The following DAB1 variants were observed in gnomAD, a reference collection of about 807,000 sequenced individuals.
DAB1 encodes DAB adaptor protein 1, also known as disabled homolog 1.
Under a neutral mutation model 64.6 loss-of-function variants are expected in DAB1, and 15 were observed. That is an observed-to-expected ratio of 0.23 (90% CI 0.16 to 0.36). DAB1 has a LOEUF of 0.36. Ranked by LOEUF, DAB1 falls within the 10% of genes least tolerant of loss-of-function variation. The pLI, the probability that DAB1 is intolerant of heterozygous loss-of-function variation, is 1.00. For missense variants in DAB1, 596 were observed against 706.7 expected (o/e 0.84, Z 1.78); for synonymous variants, 235 against 251.9 (o/e 0.93, Z 0.64).
intron 3 of DAB1, among the ~76,000 whole-genome samples, chr1:58,455,907 C>T (rs1569822737): frequency 6.6e-6 from 1 of 152,326 alleles, no homozygotes; most frequent in Middle Eastern, 3.4e-3. Flanking sequence ...AGGGATAGCT[C>T]TTCATCAGTC....
At chr1:58,132,376 T>G (rs1373273465) in intron 5 of DAB1, among the ~76,000 whole-genome samples, 1 of 152,188 alleles carries the variant, frequency 6.6e-6, no homozygotes, top group Non-Finnish European at 1.5e-5. Context: ...CCTAGTGAGA[T>G]GAACCCGGTA....
chr1:57,653,381 A>C (rs1476577385), intron 6 of DAB1, among the ~76,000 whole-genome samples: 7 of 152,096 alleles, frequency 4.6e-5, no homozygotes, highest in African/African-American at 9.7e-5. Flanking sequence ...CTAATATTAT[A>C]TTTTCAAGAT....
chr1:58,535,412 C>T (rs758501419), intron 1 of DAB1, among the ~76,000 whole-genome samples: 6 of 151,832 alleles, frequency 4.0e-5, no homozygotes, highest in Non-Finnish European at 2.9e-5. Flanking sequence ...CTGGCCAACA[C>T]GGATGAAACC....
At chr1:57,959,740 C>G (rs903993415) in intron 5 of DAB1, among the ~76,000 whole-genome samples, 2 of 152,308 alleles carry the variant, frequency 1.3e-5, no homozygotes, top group Admixed American at 6.5e-5. Context: ...TTGCTGAATA[C>G]TTAAAATCTT....
rs748236191 is a variant in DAB1, at chr1:57,216,098, G to C, written c.68-70669C>G. ...TACACATTAATACTGTGGTTTGCAT[G>C]GGTGTGTTGGGACCACTTAAGTTGC... On this transcript the variant is annotated intron_variant, in intron 2 of 14. Transcript: ENST00000371236. Among the ~76,000 whole-genome samples, 10 of 152,096 alleles carry C rather than the reference G, an allele frequency of 6.6e-5. No homozygotes were observed. The East Asian group carries it at 7.7e-4, about 12-fold the overall frequency.
At chr1:57,266,693 A>G (rs1419501985) in intron 2 of DAB1, among the ~76,000 whole-genome samples, 2 of 152,238 alleles carry the variant, frequency 1.3e-5, no homozygotes, top group South Asian at 2.1e-4. Context: ...AATGGCAGAC[A>G]GGTACTTAAT....
intron 6 of DAB1, among the ~76,000 whole-genome samples, chr1:57,717,011 T>C (rs940615150): frequency 6.6e-6 from 1 of 151,808 alleles, no homozygotes; most frequent in African/African-American, 2.4e-5. Flanking sequence ...GAGGTTGAGG[T>C]GGGTGGATCA....
chr1:58,355,972 G>A (rs1007122814), intron 3 of DAB1, among the ~76,000 whole-genome samples: 2 of 152,124 alleles, frequency 1.3e-5, no homozygotes, highest in Non-Finnish European at 2.9e-5. Context: ...TCACTTAGGT[G>A]GAGGACCACT....
intron 5 of DAB1, among the ~76,000 whole-genome samples, chr1:58,006,842 G>A (rs1314429869): frequency 1.3e-5 from 2 of 152,200 alleles, no homozygotes; most frequent in Non-Finnish European, 2.9e-5. Flanking sequence ...AGGGAACAGT[G>A]AATAGTTGCT....
Position 57,646,354 on chromosome 1 carries a change from C to G in DAB1, n.625+3238G>C, listed in dbSNP as rs566520327. On this transcript the variant is annotated intron_variant and non_coding_transcript_variant, in intron 7 of 20. Transcript: ENST00000485760. ...CTCAGGACAAGTCCCTGGGCTACTA[C>G]AAGGGTGGCTAATGAGGACAGGCAG... Among the ~76,000 whole-genome samples, 7 of 152,272 alleles carry G rather than the reference C, an allele frequency of 4.6e-5. No individual in the cohort carries two copies. The South Asian group carries it at 1.5e-3, about 32-fold the overall frequency.
chr1:57,036,771 A>C (rs55955382), intron 9 of DAB1, among the ~76,000 whole-genome samples: 1 of 152,222 alleles, frequency 6.6e-6, no homozygotes, highest in Non-Finnish European at 1.5e-5. Flanking sequence ...TGTTGTTTCA[A>C]TATGGTTCTG....
chr1:58,497,811 C>T (rs985759691), intron 3 of DAB1, among the ~76,000 whole-genome samples: 1 of 152,142 alleles, frequency 6.6e-6, no homozygotes, highest in South Asian at 2.1e-4. Context: ...CTCTCTACAA[C>T]GTGGCGGCTT....
At chr1:57,698,306 C>T (rs887307955) in intron 6 of DAB1, among the ~76,000 whole-genome samples, 2 of 151,476 alleles carry the variant, frequency 1.3e-5, no homozygotes, top group African/African-American at 4.9e-5. Context: ...CTATGTTACC[C>T]AGGCTGGCCT....
intron 7 of DAB1, among the ~76,000 whole-genome samples, chr1:57,640,963 T>C (rs1432247992): frequency 6.6e-6 from 1 of 152,206 alleles, no homozygotes; most frequent in African/African-American, 2.4e-5. Flanking sequence ...CCTATAGAAA[T>C]GTCCTTTGGA....
chr1:57,399,086 G>T (rs1291980144), intron 1 of DAB1, among the ~76,000 whole-genome samples: 1 of 151,718 alleles, frequency 6.6e-6, no homozygotes, highest in Non-Finnish European at 1.5e-5. Context: ...ATAAGCCAGA[G>T]TTGAGGAACT....
intron 5 of DAB1, among the ~76,000 whole-genome samples, chr1:57,995,359 A>C (rs1227728313): frequency 6.6e-6 from 1 of 152,186 alleles, no homozygotes; most frequent in African/African-American, 2.4e-5. Context: ...AAGTCTACCT[A>C]TTGTGCAGGA....
intron 4 of DAB1, among the ~76,000 whole-genome samples, chr1:58,300,631 AGAGAGAGAGAGAGAGAGGAAGG>A (rs1288530804): frequency 6.3e-4 from 40 of 63,084 alleles, no homozygotes; most frequent in East Asian, 2.8e-3. Flanking sequence ...AGAGAGAGAG[AGAGAGAGAGAGAGAGAGGAAGG>A]AAGGAAGGAA....
intron 1 of DAB1, among the ~76,000 whole-genome samples, chr1:57,879,391 C>A (rs1332241061): frequency 2.6e-5 from 4 of 152,102 alleles, no homozygotes; most frequent in Non-Finnish European, 5.9e-5. Context: ...ATGGGGAAAC[C>A]TAGCTTTCTG....
intron 4 of DAB1, among the ~76,000 whole-genome samples, chr1:58,290,122 A>G (rs1255525710): frequency 3.3e-5 from 5 of 152,204 alleles, no homozygotes; most frequent in Non-Finnish European, 7.3e-5. Flanking sequence ...TCTTTCAAAG[A>G]GCCTGCAGTT....
Sources: allele counts gnomAD v4.1 joint callset (sites outside exome capture counted in the v4.1 genomes callset), GRCh38; gene constraint gnomAD v4.1.1; transcripts MANE v1.5; gene names NCBI Gene and HGNC (gene_info 2026-07-23, HGNC 2026-07-21).